The following RBM34 variants were observed in gnomAD, a reference collection of about 807,000 sequenced individuals.
The protein encoded by RBM34 is RNA-binding protein 34.
Under a neutral mutation model 44.6 loss-of-function variants are expected in RBM34, and 39 were observed. That is an observed-to-expected ratio of 0.87 (90% CI 0.68 to 1.14). The LOEUF is 1.14. Ranked by LOEUF, RBM34 falls within the 50% of genes most tolerant of loss-of-function variation. The pLI is 0.00. For synonymous variants in RBM34, 194 were observed against 184.0 expected (o/e 1.05, Z -0.44); for missense variants, 572 against 517.9 (o/e 1.10, Z -1.01).
At chr1:235,140,412 G>A (rs965089695) in intron 6 of RBM34, among the ~76,000 whole-genome samples, 5 of 152,186 alleles carry the variant, frequency 3.3e-5, no homozygotes, top group South Asian at 2.1e-4. Flanking sequence ...TGCCGGCCCC[G>A]GGCAGTGAGG....
At chr1:235,146,495 A>G (rs1474909577) in intron 6 of RBM34, among the ~76,000 whole-genome samples, 1 of 152,208 alleles carries the variant, frequency 6.6e-6, no homozygotes, top group Non-Finnish European at 1.5e-5. Context: ...TTATGTGGGA[A>G]GAAGAACATC....
intron 4 of RBM34, 117 bp downstream of exon 4, chr1:235,154,764 T>C (rs1398198139): frequency 4.8e-6 from 4 of 826,686 alleles, no homozygotes; most frequent in Non-Finnish European, 7.9e-6. Flanking sequence ...CATATTAGGA[T>C]GATTTATGTA....
At chr1:235,149,917 T>C (rs1174462133) in intron 5 of RBM34, among the ~76,000 whole-genome samples, 3 of 152,248 alleles carry the variant, frequency 2.0e-5, no homozygotes, top group African/African-American at 7.2e-5. Flanking sequence ...TTTATCTTGC[T>C]AAAATTGCTA....
intron 6 of RBM34, among the ~76,000 whole-genome samples, chr1:235,142,332 G>A (rs1316627674): frequency 2.0e-5 from 3 of 152,104 alleles, no homozygotes; most frequent in African/African-American, 7.2e-5. Context: ...AGGCTGGAGT[G>A]CAATGGCATG....
At chr1:235,140,684 C>A (rs570928228) in intron 6 of RBM34, among the ~76,000 whole-genome samples, 2 of 152,234 alleles carry the variant, frequency 1.3e-5, no homozygotes, top group Non-Finnish European at 2.9e-5. Context: ...TGCAGGCGCA[C>A]GGCATGGGAT....
At chr1:235,148,517 A>C in intron 5 of RBM34, 70 bp from the exon 6 acceptor site, 1 of 1,205,324 alleles carries the variant, frequency 8.3e-7, no homozygotes, top group Non-Finnish European at 1.2e-6. Context: ...ATTTTAAGTG[A>C]AGTCTAAGTA....
rs1661189419 is a variant in RBM34, at chr1:235,131,376, CAG to C, written c.*335_*336del. On this transcript the variant is annotated 3_prime_UTR_variant, in exon 11 of 11. Transcript: ENST00000408888. ...ACAAAAAATTAGCCAGGCGTGGTGGCAGGCGCCTGTAATCCCAGCTACTTGGG... is the reference window on the plus strand; with the variant it reads ...ACAAAAAATTAGCCAGGCGTGGTGGCGCGCCTGTAATCCCAGCTACTTGGG... 3 of 178,498 alleles carry C rather than the reference CAG, an allele frequency of 1.7e-5. No individual in the cohort carries two copies. Among genetic ancestry groups the C allele is most frequent in the Non-Finnish European group, 2.4e-5 (2 of 85,038 alleles). 11.1% of individuals were successfully genotyped at this position (178,498 alleles called of 1,614,324 possible).
rs192970481 is a variant in RBM34, at chr1:235,134,232, C to A, written c.1008+1420G>T. The stretch of plus-strand genomic sequence containing the variant: ...AGAGGCGGGATTTCGCCATGTTGCC[C>A]AGGCTAGTCTTGAACTCCTGGGCTC... On this transcript the variant is annotated intron_variant, in intron 10 of 10. Transcript: ENST00000408888. Among the ~76,000 whole-genome samples, 38 of 152,270 alleles carry A rather than the reference C, an allele frequency of 2.5e-4. No homozygotes were observed. The East Asian group carries it at 5.2e-3, about 21-fold the overall frequency.
Position 235,140,508 on chromosome 1 carries a change from C to CCAAAT in RBM34, c.702-2335_702-2334insATTTG, listed in dbSNP as rs1157298621. On this transcript the variant is annotated intron_variant, in intron 6 of 10. Coordinates refer to ENST00000408888, the MANE Select transcript of RBM34 (RefSeq NM_015014.4). The stretch of plus-strand genomic sequence containing the variant: ...CACTGGCGCTACGCTCGATTTCTCA[C>CCAAAT]CGGGCCTTAGCTGCCTTCCCGCAGG... Among the ~76,000 whole-genome samples the CCAAAT allele has an allele frequency of 3.3e-5, 5 of 152,368 alleles. No individual in the cohort carries two copies. In the South Asian group the frequency reaches 1.0e-3, roughly 32 times the overall value.
intron 8 of RBM34, among the ~76,000 whole-genome samples, chr1:235,137,524 A>T (rs1661475609): frequency 6.7e-6 from 1 of 149,830 alleles, no homozygotes; most frequent in African/African-American, 2.5e-5. Flanking sequence ...GTCGGCATGC[A>T]TCACACACTT....
chr1:235,136,624 T>C (rs138138404), intron 8 of RBM34, among the ~76,000 whole-genome samples: 49 of 152,372 alleles, frequency 3.2e-4, no homozygotes, highest in Admixed American at 7.8e-4. Flanking sequence ...TCCTTTGATA[T>C]CGACAGAAAT....
chr1:235,160,125 A>AC, intron 3 of RBM34: 1 of 336,962 alleles, frequency 3.0e-6, no homozygotes, highest in South Asian at 2.5e-5. Context: ...ATGGTGACGC[A>AC]GGCCTGTAGT....
chr1:235,151,096 T>A (rs933930238), intron 5 of RBM34, among the ~76,000 whole-genome samples: 1 of 152,138 alleles, frequency 6.6e-6, no homozygotes, highest in Non-Finnish European at 1.5e-5. Flanking sequence ...CTGCGACTAT[T>A]CTGACAGGAG....
intron 6 of RBM34, among the ~76,000 whole-genome samples, chr1:235,142,486 C>T (rs1661728705): frequency 1.3e-5 from 2 of 150,288 alleles, no homozygotes; most frequent in South Asian, 4.4e-4. Context: ...ACCACGTTGG[C>T]CAGGCTGGTC....
chr1:235,153,822 T>C (rs1662275019), intron 4 of RBM34, among the ~76,000 whole-genome samples: 1 of 152,178 alleles, frequency 6.6e-6, no homozygotes, highest in Non-Finnish European at 1.5e-5. Flanking sequence ...ACAGTTACTA[T>C]CACATGAACA....
At chr1:235,137,979 T>G in intron 7 of RBM34, 39 bp from the exon 8 acceptor site, 1 of 1,564,982 alleles carries the variant, frequency 6.4e-7, no homozygotes, top group Non-Finnish European at 8.8e-7. Context: ...TTGTTAAAAA[T>G]GAGCACTCGA....
chr1:235,155,987 C>T (rs1364161754), intron 3 of RBM34, among the ~76,000 whole-genome samples: 1 of 149,196 alleles, frequency 6.7e-6, no homozygotes, highest in Non-Finnish European at 1.5e-5. Flanking sequence ...TCTTTTGCCT[C>T]AGCCTCCCAA....
chr1:235,147,591 T>A (rs1255066291), intron 6 of RBM34, among the ~76,000 whole-genome samples: 1 of 152,148 alleles, frequency 6.6e-6, no homozygotes, highest in African/African-American at 2.4e-5. Context: ...GGCACTGTGA[T>A]GGTTATGAGG....
Position 235,138,178 on chromosome 1 carries a change from CA to C in RBM34, c.702-5del. On this transcript the variant is annotated splice_region_variant and splice_polypyrimidine_tract_variant and intron_variant, in intron 6 of 10. Transcript: ENST00000408888. ...CTGATCAGGATGAATTTTACGTCTA[CA>C]CCAAAAAAAAAAAAAGAAAGAAAGA... is the stretch of plus-strand genomic sequence containing the variant. 1 of 1,523,534 alleles carries C rather than the reference CA, an allele frequency of 6.6e-7. No homozygotes were observed. The highest frequency in any genetic ancestry group is 8.9e-7 in the Non-Finnish European group (1 of 1,128,792). The allele number at this position is 1,523,534 out of a possible 1,614,324, so 94.4% of individuals were successfully genotyped here. A position where few individuals can be genotyped will look rare whatever the true frequency, so the allele number is the denominator to read the frequency against.
Sources: gnomAD v4.1 joint callset for allele counts (sites outside exome capture counted in the v4.1 genomes callset) on GRCh38, gnomAD v4.1.1 for gene constraint, MANE v1.5 for transcripts, NCBI Gene and HGNC (gene_info 2026-07-23, HGNC 2026-07-21) for gene names.